ACLY: variants seen among roughly 807,000 people sequenced by gnomAD.
The protein encoded by ACLY is ATP-citrate synthase.
A neutral mutation model predicts 133.0 loss-of-function variants in ACLY; 41 were observed. The observed-to-expected ratio is 0.31, with a 90% confidence interval of 0.24 to 0.40. The LOEUF is 0.40. Ranked by LOEUF, ACLY falls within the 10% of genes least tolerant of loss-of-function variation. ACLY has a pLI of 1.00. For missense variants in ACLY, 1,046 were observed against 1,453.8 expected (o/e 0.72, Z 4.56); for synonymous variants, 495 against 549.3 (o/e 0.90, Z 1.38).
At chr17:41,916,703 G>A (rs565971615) in intron 1 of ACLY, among the ~76,000 whole-genome samples, 131 of 152,006 alleles carry the variant, frequency 8.6e-4, no homozygotes, top group African/African-American at 3.0e-3. Flanking sequence ...GTCTCTCTAA[G>A]GCAGTGGCTC....
At chr17:41,929,243 C>A (rs527978742) in intron 1 of ACLY, among the ~76,000 whole-genome samples, 1 of 152,026 alleles carries the variant, frequency 6.6e-6, no homozygotes, top group African/African-American at 2.4e-5. Context: ...TACAGGCACA[C>A]GCCACCACAC....
chr17:41,878,087 C>A lies in ACLY; in HGVS notation c.2487+16G>T, dbSNP rs370301105. 4.6e-6 allele frequency: 7 copies of A among 1,517,126 alleles called. No homozygotes were observed. In the Admixed American group the frequency reaches 1.3e-4, roughly 29 times the overall value. 94.0% of individuals were successfully genotyped at this position (1,517,126 alleles called of 1,614,324 possible). On this transcript the variant is annotated intron_variant, in intron 22 of 28. Coordinates refer to ENST00000352035, the MANE Select transcript of ACLY (RefSeq NM_001096.3). ...TCTCCCTTGCTCACACTGTTAGAGA[C>A]ATTTAAGGCACCTACCCTGGCCCAG... is the stretch of plus-strand genomic sequence containing the variant.
In ACLY at chr17:41,892,350, C is replaced by G. The variant is rs1225371458; in HGVS notation, c.1699G>C (p.Asp567His). The change falls in exon 16 of 29, where the codon GAT becomes CAT. Residue 567 changes from aspartate to histidine, a missense_variant. By Grantham distance (81) the Asp-to-His change is moderately conservative (BLOSUM62 -1). Coordinates refer to ENST00000352035, the MANE Select transcript of ACLY (RefSeq NM_001096.3). ...ADAMRKHPEV[D>H]VLINFASLRS... ...AGAGAGGCAAAGTTGATGAGCACAT[C>G]TACCTCCGGATGCTTCCTCATGGCA... 2 of 1,611,798 alleles carry G rather than the reference C, an allele frequency of 1.2e-6. No homozygotes were observed. Among genetic ancestry groups the G allele is most frequent in the Admixed American group, 1.7e-5 (1 of 59,482 alleles).
chr17:41,889,844 C>A (rs1032194505), intron 16 of ACLY, among the ~76,000 whole-genome samples: 1 of 152,018 alleles, frequency 6.6e-6, no homozygotes, highest in Non-Finnish European at 1.5e-5. Flanking sequence ...TGCCACCATA[C>A]CCAGCTATTT....
chr17:41,874,047 T>A (rs898111945), intron 22 of ACLY, 82 bp from the exon 23 acceptor site: 2 of 1,352,090 alleles, frequency 1.5e-6, no homozygotes, highest in Non-Finnish European at 1.9e-6. Flanking sequence ...GTGTGTACTC[T>A]CAGAACCAAA....
Position 41,896,516 on chromosome 17 carries a change from C to A in ACLY, c.1459+104G>T, listed in dbSNP as rs145433699. 4.1e-3 allele frequency: 4,371 copies of A among 1,073,032 alleles called. 16 individuals are homozygous for A. Among genetic ancestry groups the A allele is most frequent in the Non-Finnish European group, 4.8e-3 (3,581 of 748,426 alleles). The allele number at this position is 1,073,032 out of a possible 1,614,324, so 66.5% of individuals were successfully genotyped here. A position where few individuals can be genotyped will look rare whatever the true frequency, so the allele number is the denominator to read the frequency against. ...AGGCAGGGACAGAAAATAGACCAGA[C>A]GACACTGCAACCCACCAGGGGAGGG... On this transcript the variant is annotated intron_variant, in intron 14 of 28. Transcript: ENST00000352035.
chr17:41,906,774 C>CCCTGCG, intron 7 of ACLY, 128 bp from the exon 8 acceptor site: 1 of 800,316 alleles, frequency 1.2e-6, no homozygotes, highest in Non-Finnish European at 2.1e-6. Context: ...GAAGAAGGGG[C>CCCTGCG]TACGCAGGGC....
At chr17:41,925,191 A>C (rs1555635861) in intron 1 of ACLY, among the ~76,000 whole-genome samples, 1 of 151,902 alleles carries the variant, frequency 6.6e-6, no homozygotes, top group South Asian at 2.1e-4. Flanking sequence ...GCCCACCACC[A>C]CACAGGGTGG....
At chr17:41,878,252 T>A in intron 21 of ACLY, 56 bp from the exon 22 acceptor site, 2 of 1,270,310 alleles carry the variant, frequency 1.6e-6, no homozygotes, top group Non-Finnish European at 1.1e-6. Context: ...TGGGCTCCTG[T>A]AAGACATCCC....
In ACLY at chr17:41,871,671, A is replaced by G; in HGVS notation, c.2937+18T>C. 1.2e-6 allele frequency: 2 copies of G among 1,613,806 alleles called. No individual in the cohort carries two copies. Among genetic ancestry groups the G allele is most frequent in the Non-Finnish European group, 1.7e-6 (2 of 1,179,950 alleles). ...CGCCTGGCCTCCATCCCACTTTTTT[A>G]GGAGAGTAACAACTCACCGACTTCA... On this transcript the variant is annotated intron_variant, in intron 25 of 28. Coordinates refer to ENST00000352035, the MANE Select transcript of ACLY (RefSeq NM_001096.3).
intron 6 of ACLY, among the ~76,000 whole-genome samples, chr17:41,907,891 A>C (rs528227318): frequency 1.7e-3 from 253 of 152,176 alleles, no homozygotes; most frequent in Non-Finnish European, 2.6e-3. Context: ...ACCATGCGCA[A>C]ACCCATGGTC....
intron 22 of ACLY, among the ~76,000 whole-genome samples, chr17:41,876,178 C>T (rs1281863463): frequency 6.6e-6 from 1 of 152,034 alleles, no homozygotes; most frequent in East Asian, 1.9e-4. Context: ...CTCCGCCCGG[C>T]AGCCACCCCG....
At chr17:41,874,391 C>T (rs2048675745) in intron 22 of ACLY, among the ~76,000 whole-genome samples, 2 of 152,096 alleles carry the variant, frequency 1.3e-5, no homozygotes, top group East Asian at 3.9e-4. Context: ...CCCAGCTATG[C>T]CTCCCAGTAG....
chr17:41,877,271 G>A (rs1243998859), intron 22 of ACLY, among the ~76,000 whole-genome samples: 4 of 151,934 alleles, frequency 2.6e-5, no homozygotes, highest in Non-Finnish European at 4.4e-5. Context: ...TTCCCGAGTA[G>A]CTGGGATTAC....
At chr17:41,882,770 T>G (rs2048953011) in intron 20 of ACLY, among the ~76,000 whole-genome samples, 1 of 152,154 alleles carries the variant, frequency 6.6e-6, no homozygotes, top group African/African-American at 2.4e-5. Flanking sequence ...TCCTTCTCCC[T>G]CCTTGGCCTC....
intron 21 of ACLY, 26 bp downstream of exon 21, chr17:41,878,771 C>A: frequency 6.2e-7 from 1 of 1,612,496 alleles, no homozygotes. Context: ...AGGGGGAGGC[C>A]GGCATCCTCC....
chr17:41,912,321 A>C lies in ACLY; in HGVS notation c.282+99T>G, dbSNP rs55710763. 2,890 of 1,497,606 alleles carry C rather than the reference A, an allele frequency of 1.9e-3. 53 individuals carry two copies. In the African/African-American group the frequency reaches 0.035, roughly 18 times the overall value. The allele number at this position is 1,497,606 out of a possible 1,614,324, so 92.8% of individuals were successfully genotyped here. Reference sequence around the variant, plus strand: ...CTCCTGCCTTCCCTGAGCTACAATGAGACTGGCTGTGGGGGTGATCCACAG... The same window carrying C: ...CTCCTGCCTTCCCTGAGCTACAATGCGACTGGCTGTGGGGGTGATCCACAG... On this transcript the variant is annotated intron_variant, in intron 3 of 28. Transcript: ENST00000352035.
At chr17:41,917,456 A>G (rs1205697489) in intron 1 of ACLY, among the ~76,000 whole-genome samples, 2 of 152,034 alleles carry the variant, frequency 1.3e-5, no homozygotes, top group Non-Finnish European at 2.9e-5. Flanking sequence ...CCCAGGATTG[A>G]GTTCACTTTT....
intron 16 of ACLY, among the ~76,000 whole-genome samples, chr17:41,887,919 G>A (rs1462623286): frequency 6.6e-6 from 1 of 152,054 alleles, no homozygotes; most frequent in Non-Finnish European, 1.5e-5. Flanking sequence ...TCTAAGGTCA[G>A]GAGTTCGAGA....
Sources: allele counts gnomAD v4.1 joint callset (sites outside exome capture counted in the v4.1 genomes callset), GRCh38; gene constraint gnomAD v4.1.1; transcripts MANE v1.5; gene names NCBI Gene and HGNC (gene_info 2026-07-23, HGNC 2026-07-21).